The following GAS7 variants were observed in gnomAD, a reference collection of about 807,000 sequenced individuals.
GAS7 encodes the protein growth arrest-specific protein 7.
GAS7 carries 28 observed loss-of-function variants against 71.1 expected under a neutral mutation model. The ratio of observed to expected loss-of-function variants is 0.39; its 90% CI spans 0.29 to 0.54. The LOEUF (loss-of-function observed/expected upper bound fraction) is 0.54, where lower values mean the gene tolerates loss of function less well. GAS7 is among the 20% of genes least tolerant of loss of function. The pLI is 0.62. For missense variants in GAS7, 436 were observed against 627.8 expected, an observed-to-expected ratio of 0.69 and a Z score of 3.27; for synonymous variants, 258 against 245.8, an observed-to-expected ratio of 1.05 and a Z score of -0.46.
intron 1 of GAS7, among the ~76,000 whole-genome samples, chr17:10,139,284 T>C (rs1400132199): frequency 1.3e-5 from 2 of 152,144 alleles, no homozygotes; most frequent in Non-Finnish European, 2.9e-5. Flanking sequence ...AAGAAGAAAT[T>C]ATCAACATCC....
chr17:10,133,777 T>C (rs1463174887), intron 1 of GAS7, among the ~76,000 whole-genome samples: 1 of 145,270 alleles, frequency 6.9e-6, no homozygotes, highest in African/African-American at 2.5e-5. Flanking sequence ...AGTCCACATA[T>C]AAATGAGATC....
chr17:10,006,573 C>T (rs2071541923), intron 2 of GAS7, among the ~76,000 whole-genome samples: 1 of 152,052 alleles, frequency 6.6e-6, no homozygotes, highest in Non-Finnish European at 1.5e-5. Flanking sequence ...TCGTGATCCA[C>T]CTGCCTCGGC....
chr17:10,174,838 C>T (rs1004998479), intron 1 of GAS7, among the ~76,000 whole-genome samples: 4 of 152,176 alleles, frequency 2.6e-5, no homozygotes, highest in South Asian at 2.1e-4. Flanking sequence ...CAGCTCTGCC[C>T]TCATGCAGCT....
intron 1 of GAS7, among the ~76,000 whole-genome samples, chr17:10,088,266 T>C (rs1301418143): frequency 2.3e-5 from 3 of 132,908 alleles, no homozygotes; most frequent in Non-Finnish European, 4.9e-5. Context: ...TAAATATGTA[T>C]ATATGCATAA....
intron 1 of GAS7, among the ~76,000 whole-genome samples, chr17:10,096,176 G>A (rs1158118499): frequency 6.6e-6 from 1 of 152,204 alleles, no homozygotes; most frequent in Non-Finnish European, 1.5e-5. Context: ...TTCAGGATAT[G>A]CAAAGGCAAA....
intron 3 of GAS7, among the ~76,000 whole-genome samples, chr17:9,979,843 A>G (rs569805316): frequency 6.7e-6 from 1 of 150,154 alleles, no homozygotes; most frequent in Non-Finnish European, 1.5e-5. Flanking sequence ...CGTCATTCGC[A>G]CTGGCATTTT....
intron 1 of GAS7, among the ~76,000 whole-genome samples, chr17:10,159,267 T>C (rs913950540): frequency 2.6e-5 from 4 of 151,280 alleles, no homozygotes; most frequent in Non-Finnish European, 4.4e-5. Flanking sequence ...AGAGTAAACA[T>C]ATGATACACA....
intron 2 of GAS7, among the ~76,000 whole-genome samples, chr17:9,997,253 C>CGGGGG (rs371944232): frequency 5.4e-5 from 2 of 37,162 alleles, no homozygotes; most frequent in African/African-American, 1.3e-4. Flanking sequence ...CGGGTGGGGG[C>CGGGGG]GGGGGCGGTG....
rs2067551644 is a variant in GAS7, at chr17:9,915,238, T to C, written c.*1990A>G. ...GGAATCCTCAGATGTAATGGAAAAG[T>C]CAATGAGCCATATTGTACTCAAAAT... On this transcript the variant is annotated 3_prime_UTR_variant, in exon 14 of 14. Transcript: ENST00000432992. 1 of 231,174 alleles carries C rather than the reference T, an allele frequency of 4.3e-6. No homozygotes were observed. The highest frequency in any genetic ancestry group is 8.6e-6 in the Non-Finnish European group (1 of 116,616). The allele number at this position is 231,174 out of a possible 1,614,324, so 14.3% of individuals were successfully genotyped here.
Position 9,912,168 on chromosome 17 carries a change from G to T in GAS7, c.*5060C>A, listed in dbSNP as rs2067456423. The T allele has an allele frequency of 4.3e-6, 1 of 232,342 alleles. No individual in the cohort carries two copies. Among genetic ancestry groups the T allele is most frequent in the Admixed American group, 5.6e-5 (1 of 17,750 alleles). The allele number at this position is 232,342 out of a possible 1,614,324, so 14.4% of individuals were successfully genotyped here. On this transcript the variant is annotated 3_prime_UTR_variant, in exon 14 of 14. Transcript: ENST00000432992. ...AGGAGAAACTACCTCATTCTTAACA[G>T]CTCATAAAACTCTTAATTTTAGCTC...
intron 9 of GAS7, among the ~76,000 whole-genome samples, chr17:9,928,736 C>T (rs2068102569): frequency 6.6e-6 from 1 of 152,230 alleles, no homozygotes; most frequent in Non-Finnish European, 1.5e-5. Flanking sequence ...AAGCAACTGA[C>T]TTACACGGGG....
chr17:10,071,891 C>T (rs910772680), intron 1 of GAS7, among the ~76,000 whole-genome samples: 1 of 148,632 alleles, frequency 6.7e-6, no homozygotes, highest in East Asian at 2.0e-4. Flanking sequence ...GAGCCAAGAT[C>T]GCACCACTGA....
intron 11 of GAS7, among the ~76,000 whole-genome samples, chr17:9,922,129 T>C (rs1172411647): frequency 6.6e-6 from 1 of 152,114 alleles, no homozygotes; most frequent in African/African-American, 2.4e-5. Context: ...TGTCAAAATA[T>C]GTAAAGCACT....
At chr17:10,036,579 G>A (rs531623714) in intron 1 of GAS7, 6 of 1,521,152 alleles carry the variant, frequency 3.9e-6, no homozygotes, top group Admixed American at 2.0e-5. Flanking sequence ...GAGGCAAGTC[G>A]CTAGCCCAGG....
intron 8 of GAS7, among the ~76,000 whole-genome samples, chr17:9,938,394 G>C (rs1330086161): frequency 2.7e-5 from 4 of 146,818 alleles, no homozygotes; most frequent in Non-Finnish European, 5.9e-5. Context: ...TGTAGTCCCA[G>C]CTACTTGGGA....
chr17:10,187,596 C>T (rs1417220989), intron 1 of GAS7, among the ~76,000 whole-genome samples: 1 of 152,016 alleles, frequency 6.6e-6, no homozygotes, highest in African/African-American at 2.4e-5. Flanking sequence ...CTTTTTGTAC[C>T]GTATGCTTTT....
intron 2 of GAS7, among the ~76,000 whole-genome samples, chr17:10,015,211 T>C (rs1231451446): frequency 6.6e-6 from 1 of 151,236 alleles, no homozygotes; most frequent in Non-Finnish European, 1.5e-5. Flanking sequence ...GTAATACAAA[T>C]GTAAATTAGA....
At chr17:9,918,787 T>C (rs906801187) in intron 12 of GAS7, among the ~76,000 whole-genome samples, 3 of 152,180 alleles carry the variant, frequency 2.0e-5, no homozygotes, top group Non-Finnish European at 4.4e-5. Context: ...CTTTGGAATC[T>C]AGGGGATCCG....
chr17:10,158,637 A>G (rs1026743151), intron 1 of GAS7, among the ~76,000 whole-genome samples: 1 of 152,194 alleles, frequency 6.6e-6, no homozygotes, highest in East Asian at 1.9e-4. Context: ...AAGGTTAGAT[A>G]TGCAATAAAA....
Sources: gnomAD v4.1 joint callset for allele counts (sites outside exome capture counted in the v4.1 genomes callset) on GRCh38, gnomAD v4.1.1 for gene constraint, MANE v1.5 for transcripts, NCBI Gene and HGNC (gene_info 2026-07-23, HGNC 2026-07-21) for gene names.